The following SORCS3 variants were observed in gnomAD, a reference collection of about 807,000 sequenced individuals.
SORCS3 encodes the protein VPS10 domain-containing receptor SorCS3.
SORCS3 carries 57 observed loss-of-function variants against 146.3 expected under a neutral mutation model. That is an observed-to-expected ratio of 0.39 (90% CI 0.31 to 0.49). The LOEUF is 0.49. Ranked by LOEUF, SORCS3 falls within the 20% of genes least tolerant of loss-of-function variation. The pLI is 0.92. For missense variants in SORCS3, 1,341 were observed against 1,575.5 expected, an observed-to-expected ratio of 0.85 and a Z score of 2.52; for synonymous variants, 653 against 618.5, an observed-to-expected ratio of 1.06 and a Z score of -0.83.
At chr10:105,245,783 G>A (rs2056862644) in intron 21 of SORCS3, 118 bp downstream of exon 21, 3 of 1,281,380 alleles carry the variant, frequency 2.3e-6, no homozygotes, top group Middle Eastern at 3.9e-4. Flanking sequence ...AAATTACATA[G>A]GTCAACAGGA....
intron 1 of SORCS3, among the ~76,000 whole-genome samples, chr10:104,677,394 A>G (rs561957779): frequency 1.3e-5 from 2 of 152,382 alleles, no homozygotes; most frequent in East Asian, 3.9e-4. Flanking sequence ...ACAATATAAC[A>G]CAACCTTAAA....
chr10:104,915,383 T>C (rs895316584), intron 2 of SORCS3, among the ~76,000 whole-genome samples: 4 of 152,060 alleles, frequency 2.6e-5, no homozygotes, highest in African/African-American at 9.7e-5. Flanking sequence ...ATGGAGTGGG[T>C]TGAAGTTGGT....
At chr10:105,243,795 T>A (rs1186452597) in intron 20 of SORCS3, among the ~76,000 whole-genome samples, 5 of 152,324 alleles carry the variant, frequency 3.3e-5, no homozygotes, top group Middle Eastern at 3.4e-3. Flanking sequence ...AGCTATAGAA[T>A]TTTAAAGCAG....
chr10:104,936,532 G>T (rs781594019), intron 3 of SORCS3, among the ~76,000 whole-genome samples: 7 of 152,202 alleles, frequency 4.6e-5, no homozygotes, highest in Non-Finnish European at 2.9e-5. Context: ...CAGAGAGACA[G>T]GTTGGTGAAT....
At chr10:104,806,035 A>G (rs903291042) in intron 1 of SORCS3, among the ~76,000 whole-genome samples, 1 of 152,154 alleles carries the variant, frequency 6.6e-6, no homozygotes, top group Non-Finnish European at 1.5e-5. Context: ...TAAGTTTGGA[A>G]TATTTGGGGG....
At chr10:104,965,923 G>T (rs2054823988) in intron 3 of SORCS3, among the ~76,000 whole-genome samples, 1 of 151,968 alleles carries the variant, frequency 6.6e-6, no homozygotes, top group Admixed American at 6.6e-5. Context: ...TCTAATTTTG[G>T]CAAAGAGAAT....
chr10:105,171,449 G>A (rs1589670086), intron 13 of SORCS3, among the ~76,000 whole-genome samples: 1 of 152,266 alleles, frequency 6.6e-6, no homozygotes, highest in Non-Finnish European at 1.5e-5. Flanking sequence ...GGTAGACGAG[G>A]GTGTGACTGT....
At chr10:104,662,542 C>A (rs2015715603) in intron 1 of SORCS3, among the ~76,000 whole-genome samples, 1 of 152,166 alleles carries the variant, frequency 6.6e-6, no homozygotes, top group Non-Finnish European at 1.5e-5. Context: ...AGTTACAGAG[C>A]CCACTTCTCC....
At chr10:105,241,422 G>A (rs1290540288) in intron 20 of SORCS3, among the ~76,000 whole-genome samples, 1 of 152,226 alleles carries the variant, frequency 6.6e-6, no homozygotes, top group East Asian at 1.9e-4. Context: ...GTGTTAGAGT[G>A]CACCTTTAGC....
chr10:105,025,837 A>AACACACACACACACACAC (rs57597161), intron 4 of SORCS3, among the ~76,000 whole-genome samples: 65 of 135,506 alleles, frequency 4.8e-4, no homozygotes, highest in African/African-American at 1.7e-3. Flanking sequence ...TGTCTTCTCA[A>AACACACACACACACACAC]ACACACACAC....
intron 1 of SORCS3, among the ~76,000 whole-genome samples, chr10:104,826,004 G>T (rs552098590): frequency 6.6e-6 from 1 of 152,250 alleles, no homozygotes; most frequent in African/African-American, 2.4e-5. Context: ...CCATTTTTAA[G>T]TCAGGATAAC....
At chr10:105,016,962 C>A (rs1483616905) in intron 4 of SORCS3, among the ~76,000 whole-genome samples, 1 of 152,174 alleles carries the variant, frequency 6.6e-6, no homozygotes, top group African/African-American at 2.4e-5. Context: ...TGATTTGACT[C>A]TTGGAATCAA....
intron 2 of SORCS3, among the ~76,000 whole-genome samples, chr10:104,894,391 T>C (rs1285709303): frequency 6.6e-6 from 1 of 152,232 alleles, no homozygotes; most frequent in African/African-American, 2.4e-5. Flanking sequence ...GGGTGTTGAA[T>C]ACCAGAGTTA....
chr10:104,959,516 T>G (rs1218322963), intron 3 of SORCS3, among the ~76,000 whole-genome samples: 1 of 152,142 alleles, frequency 6.6e-6, no homozygotes, highest in Non-Finnish European at 1.5e-5. Context: ...TATTGGACTT[T>G]CCAGCCTCCA....
chr10:104,642,068 C>T, intron 1 of SORCS3, 114 bp downstream of exon 1: 1 of 1,257,456 alleles, frequency 8.0e-7, no homozygotes, highest in Non-Finnish European at 1.1e-6. Flanking sequence ...GGGGACGCCT[C>T]GACTTTTCGA....
chr10:105,159,912 T>A (rs998398920), intron 11 of SORCS3, among the ~76,000 whole-genome samples: 2 of 152,272 alleles, frequency 1.3e-5, no homozygotes, highest in Middle Eastern at 6.8e-3. Flanking sequence ...GGCATGTTAG[T>A]CAACTCCTGT....
At chr10:104,829,445 G>A (rs964394365) in intron 1 of SORCS3, among the ~76,000 whole-genome samples, 2 of 152,158 alleles carry the variant, frequency 1.3e-5, no homozygotes, top group Non-Finnish European at 2.9e-5. Context: ...AGAGGAGGGA[G>A]AAGAGCATAA....
At chr10:105,225,723 C>G (rs534957487) in intron 20 of SORCS3, among the ~76,000 whole-genome samples, 1 of 152,002 alleles carries the variant, frequency 6.6e-6, no homozygotes, top group African/African-American at 2.4e-5. Context: ...CATGGCATAT[C>G]TGTTTATTTA....
intron 8 of SORCS3, among the ~76,000 whole-genome samples, chr10:105,143,867 G>A (rs908046099): frequency 6.6e-6 from 1 of 152,064 alleles, no homozygotes; most frequent in African/African-American, 2.4e-5. Context: ...GGAACCTCAT[G>A]GAGAACCGGC....
Sources: allele counts gnomAD v4.1 joint callset (sites outside exome capture counted in the v4.1 genomes callset), GRCh38; gene constraint gnomAD v4.1.1; transcripts MANE v1.5; gene names NCBI Gene and HGNC (gene_info 2026-07-23, HGNC 2026-07-21).